Variants in EML5 observed in about 807,000 individuals in gnomAD.
EML5 encodes EMAP like 5.
In EML5, 120 loss-of-function variants were observed where a neutral mutation model predicts 250.0. The observed-to-expected ratio is 0.48, with a 90% CI of 0.41 to 0.56. EML5 has a LOEUF of 0.56. Ranked by LOEUF, EML5 falls within the 20% of genes least tolerant of loss-of-function variation. The pLI, the probability that EML5 is intolerant of heterozygous loss-of-function variation, is 0.00. For synonymous variants in EML5, 771 were observed against 806.5 expected (o/e 0.96, Z 0.75); for missense variants, 2,006 against 2,437.6 (o/e 0.82, Z 3.73).
chr14:88,663,046 G>C lies in EML5; in HGVS notation c.3483C>G (p.Thr1161=), dbSNP rs1303942211. The C allele has an allele frequency of 1.3e-6, 2 of 1,551,452 alleles. No homozygotes were observed. The highest frequency in any genetic ancestry group is 2.7e-5 in the African/African-American group (2 of 73,020). ...FFEAPRGKKQ[T]IPSVEVEKIA... is the part of the protein sequence containing the mutation. ...GTTGTCCTACCTCCACGCTGGGGAT[G>C]GTTTGTTTTTTCCCTCTGGGAGCTT... Residue 1161 remains threonine, a synonymous_variant, in exon 24 of 44, where the codon ACC becomes ACG. Transcript: ENST00000554922.
Position 88,618,306 on chromosome 14 carries a change from T to C in EML5, c.5564A>G (p.His1855Arg), listed in dbSNP as rs371542346. 3.7e-6 allele frequency: 6 copies of C among 1,613,664 alleles called. No homozygotes were observed. The highest frequency in any genetic ancestry group is 5.1e-6 in the Non-Finnish European group (6 of 1,179,860). Reference sequence around the variant, plus strand: ...TTTTCCTGAAGGCACTTCATAGACATGCCGTTTATAGCAGCCACTAGAGAC... The same window carrying C: ...TTTTCCTGAAGGCACTTCATAGACACGCCGTTTATAGCAGCCACTAGAGAC... ...LQVSSGCYKR[H>R]VYEVPSGKHL... The change falls in exon 41 of 44, where the codon CAT (histidine) becomes CGT (arginine). Residue 1855 changes from histidine to arginine, a missense_variant. Transcript: ENST00000554922.
intron 19 of EML5, among the ~76,000 whole-genome samples, chr14:88,686,783 C>T (rs1234357260): frequency 6.6e-6 from 1 of 152,100 alleles, no homozygotes; most frequent in East Asian, 1.9e-4. Context: ...TGCACTCCAG[C>T]CTGGGCAGCA....
chr14:88,736,149 C>T lies in EML5; in HGVS notation c.1049+215G>A, dbSNP rs997994753. Among the ~76,000 whole-genome samples, 7 of 151,708 alleles carry T rather than the reference C, an allele frequency of 4.6e-5. 1 individual carries two copies. The highest frequency in any genetic ancestry group is 2.1e-4 in the South Asian group (1 of 4,814). ...CCAAGTAGCTGGGATTACAGGTGCC[C>T]GCCACCATGCCCAGCTAATTTTTGT... is the stretch of plus-strand genomic sequence containing the variant. On this transcript the variant is annotated intron_variant, in intron 7 of 43. Coordinates refer to ENST00000554922, the MANE Select transcript of EML5 (RefSeq NM_183387.3).
At chr14:88,616,074 G>A in intron 43 of EML5, 68 bp downstream of exon 43, 1 of 1,515,916 alleles carries the variant, frequency 6.6e-7, no homozygotes. Flanking sequence ...AAAGCTGTAG[G>A]AGTTGTTGTA....
intron 25 of EML5, among the ~76,000 whole-genome samples, chr14:88,659,133 T>C (rs980237234): frequency 6.6e-6 from 1 of 152,194 alleles, no homozygotes; most frequent in African/African-American, 2.4e-5. Flanking sequence ...CAAAGCATCA[T>C]AAAGCAGGTT....
chr14:88,688,514 T>C, intron 17 of EML5, 41 bp from the exon 18 acceptor site: 2 of 1,596,402 alleles, frequency 1.3e-6, no homozygotes, highest in South Asian at 2.2e-5. Flanking sequence ...ACTTTCAAAA[T>C]GTACTCAATT....
chr14:88,682,099 T>G, intron 20 of EML5, 68 bp from the exon 21 acceptor site: 1 of 1,368,566 alleles, frequency 7.3e-7, no homozygotes, highest in Non-Finnish European at 9.5e-7. Flanking sequence ...TTATTTAGAA[T>G]AAAGCTAAAG....
intron 8 of EML5, among the ~76,000 whole-genome samples, chr14:88,718,138 TAGAC>T (rs1240832502): frequency 6.6e-6 from 1 of 152,160 alleles, no homozygotes; most frequent in African/African-American, 2.4e-5. Context: ...ATACGGCCCA[TAGAC>T]AGATGATCAG....
Position 88,694,362 on chromosome 14 carries a change from C to T in EML5, c.2484G>A (p.Val828=), listed in dbSNP as rs746524854. The T allele has an allele frequency of 2.5e-6, 4 of 1,595,460 alleles. No individual in the cohort carries two copies. In the African/African-American group the frequency reaches 5.4e-5, roughly 21 times the overall value. ...KIFVVKMNPY[V]PDKLITAGIK... is the part of the protein sequence containing the mutation. The stretch of plus-strand genomic sequence containing the variant: ...TTCCAGCTGTAATTAGTTTATCAGG[C>T]ACATAGGGGTTCATCTTTACAACAA... Residue 828 remains valine (V), a synonymous_variant, in exon 17 of 44, where the codon GTG becomes GTA. Coordinates refer to ENST00000554922, the MANE Select transcript of EML5 (RefSeq NM_183387.3).
At chr14:88,758,719 C>T (rs1440330090) in intron 1 of EML5, among the ~76,000 whole-genome samples, 1 of 152,154 alleles carries the variant, frequency 6.6e-6, no homozygotes, top group Non-Finnish European at 1.5e-5. Context: ...AAAACTTGTA[C>T]ACAAATGTTC....
intron 1 of EML5, among the ~76,000 whole-genome samples, chr14:88,760,479 AC>A (rs35685702): frequency 0.24 from 36,878 of 151,964 alleles, 4,633 homozygotes; most frequent in East Asian, 0.38. Flanking sequence ...TATCTATATT[AC>A]TTTTCCACAA....
chr14:88,626,774 A>G, intron 35 of EML5, 64 bp downstream of exon 35: 1 of 1,517,562 alleles, frequency 6.6e-7, no homozygotes, highest in Non-Finnish European at 9.0e-7. Context: ...CATGTGGCTG[A>G]TGATCTAAGG....
chr14:88,649,944 G>A lies in EML5; in HGVS notation c.4005-18C>T. On this transcript the variant is annotated intron_variant, in intron 27 of 43. Transcript: ENST00000554922. ...CTCCCTGCCTTCAAAAGGAGCAAGG[G>A]GGAAAAAAGTAGGAAAACATATAAA... 3.4e-6 allele frequency: 5 copies of A among 1,466,034 alleles called. No individual in the cohort carries two copies. The highest frequency in any genetic ancestry group is 3.6e-6 in the Non-Finnish European group (4 of 1,109,026). 90.8% of individuals were successfully genotyped at this position (1,466,034 alleles called of 1,614,324 possible).
At chr14:88,662,542 CTTTTT>C (rs56347693) in intron 24 of EML5, among the ~76,000 whole-genome samples, 9 of 121,706 alleles carry the variant, frequency 7.4e-5, no homozygotes, top group Non-Finnish European at 1.5e-4. Context: ...TGATTTATTC[CTTTTT>C]TTTTTTTTTT....
At chr14:88,701,255 G>T (rs1002828632) in intron 14 of EML5, among the ~76,000 whole-genome samples, 1 of 152,134 alleles carries the variant, frequency 6.6e-6, no homozygotes, top group Non-Finnish European at 1.5e-5. Context: ...AATGGGTTGA[G>T]ACCAGGGATG....
intron 1 of EML5, among the ~76,000 whole-genome samples, chr14:88,782,715 G>A (rs2094509489): frequency 6.6e-6 from 1 of 152,236 alleles, no homozygotes; most frequent in African/African-American, 2.4e-5. Context: ...TCCACATGGT[G>A]TTGGTCCTGC....
chr14:88,645,390 T>C (rs1490166819), intron 29 of EML5, among the ~76,000 whole-genome samples: 1 of 152,222 alleles, frequency 6.6e-6, no homozygotes, highest in African/African-American at 2.4e-5. Context: ...AGATTGTTTA[T>C]AAACAAATGT....
At chr14:88,713,545 T>C (rs1012849374) in intron 9 of EML5, among the ~76,000 whole-genome samples, 1 of 152,076 alleles carries the variant, frequency 6.6e-6, no homozygotes, top group Non-Finnish European at 1.5e-5. Flanking sequence ...TGGCACGATC[T>C]TGGCTCCCAG....
At chr14:88,727,353 A>G (rs1376978901) in intron 7 of EML5, among the ~76,000 whole-genome samples, 1 of 151,056 alleles carries the variant, frequency 6.6e-6, no homozygotes, top group Non-Finnish European at 1.5e-5. Context: ...TGAGTATACC[A>G]TCTCTTTCCC....
Sources: allele counts gnomAD v4.1 joint callset (sites outside exome capture counted in the v4.1 genomes callset), GRCh38; gene constraint gnomAD v4.1.1; transcripts MANE v1.5; gene names NCBI Gene and HGNC (gene_info 2026-07-23, HGNC 2026-07-21).